The following HOPX variants were observed in gnomAD, a reference collection of about 807,000 sequenced individuals.
HOPX encodes homeodomain-only protein.
In HOPX, 5 loss-of-function variants were observed where a neutral mutation model predicts 11.8. The ratio of observed to expected loss-of-function variants is 0.43; its 90% CI spans 0.22 to 0.89. The LOEUF (loss-of-function observed/expected upper bound fraction) is 0.89, where lower values mean the gene tolerates loss of function less well. HOPX is among the 40% of genes least tolerant of loss of function. HOPX has a pLI of 0.28. For missense variants in HOPX, 119 were observed against 120.0 expected, an observed-to-expected ratio of 0.99 and a Z score of 0.04; for synonymous variants, 49 against 49.7, an observed-to-expected ratio of 0.99 and a Z score of 0.06.
At chr4:56,656,089 C>T (rs145315986) in intron 2 of HOPX, 77 bp from the exon 3 acceptor site, 27,974 of 1,361,394 alleles carry the variant, frequency 0.021, 649 homozygotes, top group South Asian at 0.11. Flanking sequence ...GCGGTCGCGG[C>T]GCCGCCGGGC....
In HOPX at chr4:56,650,776, G is replaced by A. The variant is rs1195961127; in HGVS notation, c.199-1979C>T. 6 of 1,550,804 alleles carry A rather than the reference G, an allele frequency of 3.9e-6. No homozygotes were observed. In the East Asian group the frequency reaches 1.5e-4, roughly 38 times the overall value. ...CCTTCTCTTTGGGGGCTACTTTCTG[G>A]GTGCCATATTTTGCTCCTGGAGATC... is the stretch of plus-strand genomic sequence containing the variant. On this transcript the variant is annotated intron_variant, in intron 3 of 3. Coordinates refer to ENST00000420433, the MANE Select transcript of HOPX (RefSeq NM_032495.6).
chr4:56,667,397 A>C (rs150707069), intron 1 of HOPX, among the ~76,000 whole-genome samples: 1 of 152,164 alleles, frequency 6.6e-6, no homozygotes, highest in African/African-American at 2.4e-5. Flanking sequence ...CCCTGAGTGC[A>C]TGGCTGTGCC....
chr4:56,669,346 G>A (rs534612229), intron 1 of HOPX, among the ~76,000 whole-genome samples: 5 of 152,258 alleles, frequency 3.3e-5, no homozygotes, highest in Admixed American at 2.6e-4. Context: ...TTGAGTTAAT[G>A]TGATCATATA....
At chr4:56,656,259 C>T (rs1006073896) in intron 2 of HOPX, 160 of 1,168,470 alleles carry the variant, frequency 1.4e-4, no homozygotes, top group East Asian at 2.0e-4. Flanking sequence ...TCCTGCGCCT[C>T]CCGCGCCCCC....
In HOPX at chr4:56,677,375, A is replaced by G. The variant is rs535365760; in HGVS notation, c.-84+3880T>C. 1.1e-4 allele frequency among the ~76,000 whole-genome samples: 17 copies of G among 151,874 alleles called. 1 individual carries two copies. Among genetic ancestry groups the G allele is most frequent in the African/African-American group, 4.1e-4 (17 of 41,128 alleles). Reference sequence around the variant, plus strand: ...GACCAATAAGGAGCACATATTTTGCATAAAACTTTGATTTGCCTGATTGCC... The same window carrying G: ...GACCAATAAGGAGCACATATTTTGCGTAAAACTTTGATTTGCCTGATTGCC... On this transcript the variant is annotated intron_variant, in intron 1 of 3. Coordinates refer to ENST00000420433, the MANE Select transcript of HOPX (RefSeq NM_032495.6).
intron 1 of HOPX, chr4:56,665,427 A>G (rs1718377243): frequency 6.6e-6 from 1 of 152,236 alleles, no homozygotes. Flanking sequence ...AACCTAAACA[A>G]TGGCATTTGA....
intron 1 of HOPX, among the ~76,000 whole-genome samples, chr4:56,660,670 T>C (rs959304319): frequency 2.0e-5 from 3 of 152,210 alleles, no homozygotes; most frequent in Non-Finnish European, 4.4e-5. Flanking sequence ...TTTGGAAAAG[T>C]ATGAGAGTTG....
chr4:56,659,547 A>C (rs1480188716), intron 1 of HOPX: 1 of 149,576 alleles, frequency 6.7e-6, no homozygotes, highest in African/African-American at 2.5e-5. Context: ...AGCTGGAAGG[A>C]GAGAGAGAGA....
At chr4:56,669,039 G>A (rs990311751) in intron 1 of HOPX, among the ~76,000 whole-genome samples, 3 of 152,166 alleles carry the variant, frequency 2.0e-5, no homozygotes, top group Non-Finnish European at 2.9e-5. Flanking sequence ...TGCATTTCCC[G>A]AAGTGTTATA....
Position 56,650,586 on chromosome 4 carries a change from A to G in HOPX, c.199-1789T>C, listed in dbSNP as rs926776091. The stretch of plus-strand genomic sequence containing the variant: ...TTTGGGCTCCACATCAATGCTAAGC[A>G]GGCTGAATAGCATGGGAACACACCT... On this transcript the variant is annotated intron_variant, in intron 3 of 3. Coordinates refer to ENST00000420433, the MANE Select transcript of HOPX (RefSeq NM_032495.6). The G allele has an allele frequency of 3.0e-6, 4 of 1,332,312 alleles. No homozygotes were observed. The African/African-American group carries it at 5.9e-5, about 20-fold the overall frequency. The allele number at this position is 1,332,312 out of a possible 1,614,324, so 82.5% of individuals were successfully genotyped here.
Position 56,648,546 on chromosome 4 carries a change from T to C in HOPX, c.*174A>G, listed in dbSNP as rs1258041890. 1 of 457,250 alleles carries C rather than the reference T, an allele frequency of 2.2e-6. No individual in the cohort carries two copies. The highest frequency in any genetic ancestry group is 4.0e-6 in the Non-Finnish European group (1 of 251,994). The allele number at this position is 457,250 out of a possible 1,614,324, so 28.3% of individuals were successfully genotyped here. A position where few individuals can be genotyped will look rare whatever the true frequency, so the allele number is the denominator to read the frequency against. On this transcript the variant is annotated 3_prime_UTR_variant, in exon 4 of 4. Transcript: ENST00000420433. Reference sequence around the variant, plus strand: ...GATACACATAGCTTCCTATTGTTATTTTCTTTTCTAATTATGTACATTTAG... The same window carrying C: ...GATACACATAGCTTCCTATTGTTATCTTCTTTTCTAATTATGTACATTTAG...
intron 1 of HOPX, chr4:56,659,657 G>A (rs1370774189): frequency 6.6e-6 from 1 of 152,138 alleles, no homozygotes; most frequent in South Asian, 2.1e-4. Context: ...AATTACCTGT[G>A]GAAATGTCTA....
upstream of HOPX, chr4:56,681,481 TTCAGGCTGG>T (rs1257095674): frequency 2.0e-6 from 2 of 995,094 alleles, no homozygotes; most frequent in African/African-American, 3.5e-5. Flanking sequence ...AGGTTTGATG[TTCAGGCTGG>T]GACTTCTGAG....
At chr4:56,666,055 T>C (rs921654201) in intron 1 of HOPX, among the ~76,000 whole-genome samples, 9 of 152,118 alleles carry the variant, frequency 5.9e-5, no homozygotes, top group African/African-American at 1.9e-4. Context: ...CCAGTCTGAG[T>C]ACTTCCCTCC....
chr4:56,680,960 C>T, intron 1 of HOPX: 1 of 917,890 alleles, frequency 1.1e-6, no homozygotes, highest in Non-Finnish European at 1.3e-6. Context: ...GTTATCTTTC[C>T]AAAATAGAAG....
At chr4:56,657,972 A>C in intron 1 of HOPX, 73 bp from the exon 2 acceptor site, 5 of 1,401,056 alleles carry the variant, frequency 3.6e-6, no homozygotes, top group Non-Finnish European at 4.8e-6. Flanking sequence ...ATGGGCATAG[A>C]CTGTCCTAGT....
intron 1 of HOPX, chr4:56,679,300 A>G (rs1057096300): frequency 6.6e-6 from 1 of 152,182 alleles, no homozygotes; most frequent in African/African-American, 2.4e-5. Context: ...GTAATCAGCT[A>G]TAATACTGAA....
At chr4:56,664,361 C>G (rs965937875) in intron 1 of HOPX, 3 of 150,810 alleles carry the variant, frequency 2.0e-5, no homozygotes, top group Non-Finnish European at 4.4e-5. Flanking sequence ...GTCTCAAATT[C>G]CTAGCCTCAA....
chr4:56,679,441 C>T (rs113551527), intron 1 of HOPX: 6 of 152,004 alleles, frequency 3.9e-5, no homozygotes, highest in African/African-American at 1.4e-4. Context: ...TTTCTCCTGC[C>T]CCTACCTTCC....
Sources: allele counts gnomAD v4.1 joint callset (sites outside exome capture counted in the v4.1 genomes callset), GRCh38; gene constraint gnomAD v4.1.1; transcripts MANE v1.5; gene names NCBI Gene and HGNC (gene_info 2026-07-23, HGNC 2026-07-21).